The following CUX2 variants were observed in gnomAD, a reference collection of about 807,000 sequenced individuals.
CUX2 encodes cut like homeobox 2.
A neutral mutation model predicts 144.8 loss-of-function variants in CUX2; 40 were observed. That is an observed-to-expected ratio of 0.28 (90% confidence interval 0.21 to 0.36). CUX2 has a LOEUF of 0.36. CUX2 is among the 10% of genes least tolerant of loss of function. The pLI is 1.00. For missense variants in CUX2, 1,615 were observed against 1,994.0 expected (o/e 0.81, Z 3.62); for synonymous variants, 827 against 875.6 (o/e 0.94, Z 0.98).
intron 1 of CUX2, among the ~76,000 whole-genome samples, chr12:111,130,324 A>G (rs1443514454): frequency 2.0e-5 from 3 of 152,202 alleles, no homozygotes; most frequent in Non-Finnish European, 4.4e-5. Context: ...GCTCATACAG[A>G]TCAAGTAAGA....
At chr12:111,229,878 G>A (rs897135211) in intron 3 of CUX2, among the ~76,000 whole-genome samples, 3 of 152,044 alleles carry the variant, frequency 2.0e-5, no homozygotes, top group African/African-American at 7.3e-5. Context: ...GCGAAGCGTG[G>A]TGGTGCACGC....
At chr12:111,337,901 A>G (rs1888419400) in intron 19 of CUX2, among the ~76,000 whole-genome samples, 1 of 152,090 alleles carries the variant, frequency 6.6e-6, no homozygotes, top group South Asian at 2.1e-4. Flanking sequence ...TGGGTGTGGT[A>G]GTACGTGCCT....
chr12:111,292,554 C>T (rs1027246405), intron 5 of CUX2, among the ~76,000 whole-genome samples: 1 of 152,182 alleles, frequency 6.6e-6, no homozygotes, highest in African/African-American at 2.4e-5. Flanking sequence ...CATGCCCCTG[C>T]ACTCCAGCCT....
chr12:111,340,089 G>C (rs901942933), intron 20 of CUX2, among the ~76,000 whole-genome samples: 7 of 152,278 alleles, frequency 4.6e-5, no homozygotes, highest in Admixed American at 3.3e-4. Context: ...CTAGCTACCT[G>C]GGAGGCTGAG....
chr12:111,276,234 T>C (rs1173189391), intron 4 of CUX2, among the ~76,000 whole-genome samples: 1 of 152,116 alleles, frequency 6.6e-6, no homozygotes, highest in South Asian at 2.1e-4. Flanking sequence ...GTGCCTGTAG[T>C]CCTAGCTACT....
rs539073783 is a variant in CUX2 at position 111,247,484 on chromosome 12, C to T, written c.223-16277C>T. Among the ~76,000 whole-genome samples, 103 of 152,314 alleles carry T rather than the reference C, an allele frequency of 6.8e-4. 2 individuals are homozygous for T. In the South Asian group the frequency reaches 0.02, roughly 30 times the overall value. On this transcript the variant is annotated intron_variant, in intron 3 of 21. Transcript: ENST00000261726. ...GTCAGGATCACTGCAAAGGGGAGGC[C>T]GCTGCCACTTGGGATCCCTGCAGCC...
At chr12:111,200,477 G>A (rs75283647) in intron 1 of CUX2, among the ~76,000 whole-genome samples, 36 of 151,994 alleles carry the variant, frequency 2.4e-4, no homozygotes, top group African/African-American at 8.4e-4. Context: ...AAATACACCC[G>A]GGACAGGGAA....
intron 4 of CUX2, among the ~76,000 whole-genome samples, chr12:111,284,896 C>G (rs151320422): frequency 2.6e-5 from 4 of 152,166 alleles, no homozygotes; most frequent in Non-Finnish European, 4.4e-5. Context: ...AACCTTAGAG[C>G]CTGTTTCCTC....
At chr12:111,159,275 G>T (rs993484001) in intron 1 of CUX2, among the ~76,000 whole-genome samples, 1 of 151,904 alleles carries the variant, frequency 6.6e-6, no homozygotes, top group African/African-American at 2.4e-5. Context: ...AACCTTCAAA[G>T]GTAGCTGAGA....
At position 111,341,677 on chromosome 12, in the gene CUX2, G is replaced by T. The variant is rs925209445; in HGVS notation, c.3386-103G>T. 2.2e-5 allele frequency: 30 copies of T among 1,355,536 alleles called. No homozygotes were observed. The African/African-American group carries it at 4.1e-4, about 18-fold the overall frequency. 84.0% of individuals were successfully genotyped at this position (1,355,536 alleles called of 1,614,324 possible). On this transcript the variant is annotated intron_variant, in intron 20 of 21. Coordinates refer to ENST00000261726, the MANE Select transcript of CUX2 (RefSeq NM_015267.4). ...CTAAGCTTAGGGCATGATGGCCTCC[G>T]AGTGGGCCTGACAGATGCACTCCCA... is the stretch of plus-strand genomic sequence containing the variant.
intron 3 of CUX2, among the ~76,000 whole-genome samples, chr12:111,244,473 TC>T (rs1401149174): frequency 2.0e-5 from 3 of 152,256 alleles, no homozygotes; most frequent in Non-Finnish European, 2.9e-5. Flanking sequence ...CCCAGCTCTG[TC>T]CGGAGCTGCA....
chr12:111,048,783 A>T (rs772151375), intron 1 of CUX2, among the ~76,000 whole-genome samples: 2 of 152,106 alleles, frequency 1.3e-5, no homozygotes, highest in African/African-American at 2.4e-5. Flanking sequence ...ACTTTCATAT[A>T]TGGGGATGCT....
At chr12:111,267,394 G>A (rs111685208) in intron 4 of CUX2, among the ~76,000 whole-genome samples, 4 of 152,140 alleles carry the variant, frequency 2.6e-5, no homozygotes, top group East Asian at 1.9e-4. Flanking sequence ...CGTTTCACAC[G>A]CCCCATGGGA....
At chr12:111,306,295 TG>T (rs142458185) in intron 10 of CUX2, among the ~76,000 whole-genome samples, 7,385 of 150,804 alleles carry the variant, frequency 0.049, 189 homozygotes, top group South Asian at 0.089. Context: ...GGAAGAAAGC[TG>T]GGGTTGGGTT....
At chr12:111,267,069 G>A (rs1884422604) in intron 4 of CUX2, among the ~76,000 whole-genome samples, 1 of 152,004 alleles carries the variant, frequency 6.6e-6, no homozygotes, top group Non-Finnish European at 1.5e-5. Flanking sequence ...ATGGTCGTGG[G>A]CGCCTGTGGT....
At chr12:111,252,636 C>G (rs1442506609) in intron 3 of CUX2, among the ~76,000 whole-genome samples, 1 of 152,080 alleles carries the variant, frequency 6.6e-6, no homozygotes, top group African/African-American at 2.4e-5. Flanking sequence ...CTCAGGGAGG[C>G]TCTTAAGTTC....
intron 1 of CUX2, among the ~76,000 whole-genome samples, chr12:111,172,832 T>C (rs1413774196): frequency 6.6e-6 from 1 of 152,226 alleles, no homozygotes; most frequent in African/African-American, 2.4e-5. Context: ...AGATCAGCAG[T>C]GAGCCAGATG....
chr12:111,343,095 G>T (rs1322126799), intron 21 of CUX2, among the ~76,000 whole-genome samples: 1 of 151,964 alleles, frequency 6.6e-6, no homozygotes, highest in African/African-American at 2.4e-5. Flanking sequence ...GGGTATTTGG[G>T]GGTACAGGCC....
Position 111,061,061 on chromosome 12 carries a change from G to A in CUX2, c.63+26821G>A, listed in dbSNP as rs769585516. Among the ~76,000 whole-genome samples the A allele has an allele frequency of 6.6e-6, 1 of 151,902 alleles. No homozygotes were observed. Among genetic ancestry groups the A allele is most frequent in the Non-Finnish European group, 1.5e-5 (1 of 68,016 alleles). On this transcript the variant is annotated intron_variant, in intron 1 of 21. Transcript: ENST00000261726. The surrounding 1 kb of genome is among the most constrained non-coding windows in gnomAD (Gnocchi z 4.2). ...AGCTGGCCCTGCTGCCCCCTCCCCC[G>A]CTTCCTTGGGGCTGTTCATGGGAGG...
Sources: gnomAD v4.1 joint callset for allele counts (sites outside exome capture counted in the v4.1 genomes callset) on GRCh38, gnomAD v4.1.1 for gene constraint, Gnocchi (gnomAD v3.1) non-coding constraint, MANE v1.5 for transcripts, NCBI Gene and HGNC (gene_info 2026-07-23, HGNC 2026-07-21) for gene names.